PBX1: variants seen among roughly 807,000 people sequenced by gnomAD.
PBX1 encodes the protein PBX homeobox 1.
PBX1 carries 6 observed loss-of-function variants against 53.4 expected under a neutral mutation model. The ratio of observed to expected loss-of-function variants is 0.11; its 90% confidence interval spans 0.06 to 0.22. PBX1 has a LOEUF of 0.22. PBX1 is among the 10% of genes least tolerant of loss of function. The probability of loss-of-function intolerance (pLI) is 1.00; values close to 1 mark genes in which losing one functional copy is unlikely to be tolerated. For missense variants in PBX1, 251 were observed against 551.4 expected (o/e 0.46, Z 5.46); for synonymous variants, 204 against 212.3 (o/e 0.96, Z 0.34).
chr1:164,627,669 T>C (rs1166043084), intron 2 of PBX1, among the ~76,000 whole-genome samples: 4 of 152,228 alleles, frequency 2.6e-5, no homozygotes. Flanking sequence ...TTCTTAGCTC[T>C]GGAAGGAATA....
intron 8 of PBX1, among the ~76,000 whole-genome samples, chr1:164,842,463 C>T (rs1671349708): frequency 6.6e-6 from 1 of 152,158 alleles, no homozygotes; most frequent in Non-Finnish European, 1.5e-5. Context: ...TCCCGAAACA[C>T]TTTGTTTCCA....
intron 2 of PBX1, among the ~76,000 whole-genome samples, chr1:164,649,012 A>T (rs1266578444): frequency 6.6e-6 from 1 of 152,118 alleles, no homozygotes; most frequent in Non-Finnish European, 1.5e-5. Context: ...TGCCTCTTTC[A>T]TTCCAAGATG....
At chr1:164,745,468 G>A (rs2102178234) in intron 2 of PBX1, among the ~76,000 whole-genome samples, 1 of 152,246 alleles carries the variant, frequency 6.6e-6, no homozygotes, top group Middle Eastern at 3.4e-3. Flanking sequence ...TAGCATGTTG[G>A]AAAGTGCTCA....
chr1:164,643,752 A>C (rs1449282085), intron 2 of PBX1, among the ~76,000 whole-genome samples: 1 of 152,240 alleles, frequency 6.6e-6, no homozygotes, highest in African/African-American at 2.4e-5. Flanking sequence ...AAGTTATCAC[A>C]TATATTTTAT....
chr1:164,578,815 C>G (rs935899176), intron 2 of PBX1, among the ~76,000 whole-genome samples: 1 of 152,198 alleles, frequency 6.6e-6, no homozygotes, highest in Non-Finnish European at 1.5e-5. Context: ...CAGAAATGTT[C>G]TATGTTTGAG....
At chr1:164,810,883 G>A (rs1458904219) in intron 5 of PBX1, among the ~76,000 whole-genome samples, 1 of 151,918 alleles carries the variant, frequency 6.6e-6, no homozygotes, top group African/African-American at 2.4e-5. Flanking sequence ...AGAAAGGCTT[G>A]GCATTTCTGC....
In PBX1 at chr1:164,849,466, A is replaced by T. The variant is rs1263761504; in HGVS notation, c.*2790A>T. ...GCAGCAGGATGGGTTTGGAAAGAGC[A>T]TGCCTCTGGAAACACAGCTTCCTGG... On this transcript the variant is annotated 3_prime_UTR_variant, in exon 9 of 9. Coordinates refer to ENST00000420696, the MANE Select transcript of PBX1 (RefSeq NM_002585.4). 6.5e-7 allele frequency: 1 copy of T among 1,534,118 alleles called. No homozygotes were observed. Among genetic ancestry groups the T allele is most frequent in the Non-Finnish European group, 8.7e-7 (1 of 1,145,792 alleles).
At chr1:164,692,089 C>G (rs999815468) in intron 2 of PBX1, among the ~76,000 whole-genome samples, 1 of 152,168 alleles carries the variant, frequency 6.6e-6, no homozygotes, top group Non-Finnish European at 1.5e-5. Flanking sequence ...CGAAACACTT[C>G]TGACCCAAGC....
chr1:164,603,076 C>T (rs1429891768), intron 2 of PBX1, among the ~76,000 whole-genome samples: 2 of 152,014 alleles, frequency 1.3e-5, no homozygotes, highest in Non-Finnish European at 2.9e-5. Context: ...TCCCTTCCTT[C>T]TTCCATACCC....
At chr1:164,654,692 C>T (rs574155224) in intron 2 of PBX1, among the ~76,000 whole-genome samples, 36 of 152,278 alleles carry the variant, frequency 2.4e-4, no homozygotes, top group African/African-American at 7.2e-4. Flanking sequence ...TTCTCCATTC[C>T]CACACACATA....
intron 2 of PBX1, among the ~76,000 whole-genome samples, chr1:164,743,180 A>G (rs1665707948): frequency 6.6e-6 from 1 of 152,190 alleles, no homozygotes; most frequent in East Asian, 1.9e-4. Context: ...TGGCTACACA[A>G]TAAGATGGCC....
intron 8 of PBX1, among the ~76,000 whole-genome samples, chr1:164,822,751 A>G (rs890801780): frequency 6.6e-6 from 1 of 152,212 alleles, no homozygotes; most frequent in Non-Finnish European, 1.5e-5. Flanking sequence ...TGCTAACACT[A>G]TTAGATTCAT....
At chr1:164,884,014 T>C (rs761450010) in intron 2 of PBX1, among the ~76,000 whole-genome samples, 5 of 152,148 alleles carry the variant, frequency 3.3e-5, no homozygotes, top group Non-Finnish European at 5.9e-5. Flanking sequence ...GGAAAACCAT[T>C]GGTCAAATTA....
chr1:164,590,631 C>T (rs374611124), intron 2 of PBX1, among the ~76,000 whole-genome samples: 1 of 152,036 alleles, frequency 6.6e-6, no homozygotes, highest in African/African-American at 2.4e-5. Context: ...TATATGACTC[C>T]CAAAAGTGTA....
rs527300530 is a variant in PBX1, at chr1:164,571,352, C to G, written c.265+8041C>G. ...TTTTACCAATCAGTCCATATTTCCC[C>G]CTTCACCTAGTCCCTGGTAACCACT... is the stretch of plus-strand genomic sequence containing the variant. On this transcript the variant is annotated intron_variant, in intron 2 of 8. Coordinates refer to ENST00000420696, the MANE Select transcript of PBX1 (RefSeq NM_002585.4). Among the ~76,000 whole-genome samples the G allele has an allele frequency of 6.6e-5, 10 of 152,262 alleles. No homozygotes were observed. The South Asian group carries it at 8.3e-4, about 13-fold the overall frequency.
chr1:164,657,476 A>G (rs914832497), intron 2 of PBX1: 7 of 152,234 alleles, frequency 4.6e-5, no homozygotes, highest in African/African-American at 1.7e-4. Context: ...AGTAATATTT[A>G]CTTCAATCTT....
intron 2 of PBX1, among the ~76,000 whole-genome samples, chr1:164,881,777 T>A (rs1672665966): frequency 6.6e-6 from 1 of 152,176 alleles, no homozygotes; most frequent in Non-Finnish European, 1.5e-5. Flanking sequence ...GCTGCTATCT[T>A]CTAGTTGAGA....
rs148549958 is a variant in PBX1 at position 164,632,321 on chromosome 1, A to G, written c.265+69010A>G. Among the ~76,000 whole-genome samples, 153 of 152,206 alleles carry G rather than the reference A, an allele frequency of 1.0e-3. 1 individual carries two copies. The highest frequency in any genetic ancestry group is 3.6e-3 in the African/African-American group (149 of 41,534). On this transcript the variant is annotated intron_variant, in intron 2 of 8. Coordinates refer to ENST00000420696, the MANE Select transcript of PBX1 (RefSeq NM_002585.4). The stretch of plus-strand genomic sequence containing the variant: ...TGCTACCCTCGCCCCTTTCATCTTT[A>G]TTATGCAGTTTCTTCTTATGGTGCT...
intron 8 of PBX1, among the ~76,000 whole-genome samples, chr1:164,838,575 A>G (rs983412228): frequency 1.3e-5 from 2 of 152,214 alleles, no homozygotes; most frequent in Non-Finnish European, 2.9e-5. Flanking sequence ...TGGAGCGCAC[A>G]CATTGTCCCA....
Sources: allele counts gnomAD v4.1 joint callset (sites outside exome capture counted in the v4.1 genomes callset), GRCh38; gene constraint gnomAD v4.1.1; transcripts MANE v1.5; gene names NCBI Gene and HGNC (gene_info 2026-07-23, HGNC 2026-07-21).